CTNNA2: variants seen among roughly 807,000 people sequenced by gnomAD.
CTNNA2 encodes catenin alpha-2.
In CTNNA2, 42 loss-of-function variants were observed where a neutral mutation model predicts 101.0. The observed-to-expected ratio is 0.42, with a 90% CI of 0.32 to 0.54. The LOEUF (loss-of-function observed/expected upper bound fraction) is 0.54. Among genes scored for constraint, CTNNA2 ranks in the 20% least tolerant of loss-of-function variants. The pLI is 0.14. For missense variants in CTNNA2, 871 were observed against 1,223.1 expected (o/e 0.71, Z 4.29); for synonymous variants, 450 against 456.4 (o/e 0.99, Z 0.18).
chr2:79,838,858 G>C (rs926403106), intron 3 of CTNNA2, among the ~76,000 whole-genome samples: 2 of 151,928 alleles, frequency 1.3e-5, no homozygotes, highest in Non-Finnish European at 2.9e-5. Context: ...AAATGATAGA[G>C]ACTCCAAGCC....
At chr2:80,640,625 TCA>T (rs1673365046) in intron 18 of CTNNA2, among the ~76,000 whole-genome samples, 1 of 152,214 alleles carries the variant, frequency 6.6e-6, no homozygotes, top group South Asian at 2.1e-4. Flanking sequence ...TTCAAACATG[TCA>T]CAGTTTCTAA....
intron 2 of CTNNA2, among the ~76,000 whole-genome samples, chr2:79,279,546 C>G (rs1435387691): frequency 6.6e-6 from 1 of 152,094 alleles, no homozygotes; most frequent in African/African-American, 2.4e-5. Flanking sequence ...ATGACCACAA[C>G]AGAAAAGTTT....
At chr2:79,459,771 C>A (rs1196391637) in intron 4 of CTNNA2, among the ~76,000 whole-genome samples, 6 of 152,026 alleles carry the variant, frequency 3.9e-5, no homozygotes, top group African/African-American at 1.5e-4. Context: ...TGACATGTCA[C>A]TTCTGGCCCT....
intron 7 of CTNNA2, among the ~76,000 whole-genome samples, chr2:80,297,995 A>ATG (rs377223222): frequency 1.6e-4 from 24 of 150,868 alleles, no homozygotes; most frequent in African/African-American, 2.9e-4. Context: ...GTGGTTATAT[A>ATG]TGTGTGTGTG....
At position 79,349,933 on chromosome 2, in the gene CTNNA2, G is replaced by C. The variant is rs548598872; in HGVS notation, c.-317-23898G>C. Among the ~76,000 whole-genome samples, 15 of 151,866 alleles carry C rather than the reference G, an allele frequency of 9.9e-5. No homozygotes were observed. The East Asian group carries it at 2.7e-3, about 28-fold the overall frequency. ...TACTAAAAACACAAAAATTAGCCAG[G>C]CGTGGTGGCGGGCGCCTGTAGTCCT... is the stretch of plus-strand genomic sequence containing the variant. On this transcript the variant is annotated intron_variant, in intron 3 of 21. Transcript: ENST00000466387.
chr2:79,585,670 T>C (rs978090632), intron 1 of CTNNA2, among the ~76,000 whole-genome samples: 6 of 152,114 alleles, frequency 3.9e-5, no homozygotes, highest in Non-Finnish European at 8.8e-5. Context: ...TTGCACAGTG[T>C]GTGCCCTTGT....
chr2:79,914,166 CAAAAAAAAAAA>C (rs55675912), intron 7 of CTNNA2, among the ~76,000 whole-genome samples: 1 of 90,624 alleles, frequency 1.1e-5, no homozygotes, highest in Non-Finnish European at 2.2e-5. Context: ...GACTCCGTCT[CAAAAAAAAAAA>C]AAAAAAAAAA....
intron 9 of CTNNA2, among the ~76,000 whole-genome samples, chr2:80,530,829 C>T (rs1690474015): frequency 6.6e-6 from 1 of 152,176 alleles, no homozygotes; most frequent in South Asian, 2.1e-4. Context: ...TGGGATTGCT[C>T]CCAGGGGAAA....
chr2:79,262,090 T>C (rs1470106356), intron 2 of CTNNA2, among the ~76,000 whole-genome samples: 1 of 152,144 alleles, frequency 6.6e-6, no homozygotes, highest in African/African-American at 2.4e-5. Flanking sequence ...ATCACTCAAG[T>C]GGTCAAAGAG....
At chr2:80,255,155 T>C (rs1464942001) in intron 7 of CTNNA2, among the ~76,000 whole-genome samples, 2 of 152,184 alleles carry the variant, frequency 1.3e-5, no homozygotes, top group African/African-American at 4.8e-5. Flanking sequence ...TTTGAGCAAA[T>C]TGATTTCCTA....
intron 7 of CTNNA2, among the ~76,000 whole-genome samples, chr2:80,186,068 T>C (rs1706106237): frequency 6.6e-6 from 1 of 152,172 alleles, no homozygotes; most frequent in South Asian, 2.1e-4. Flanking sequence ...AGCCAGACTG[T>C]GGCCAACTCT....
intron 1 of CTNNA2, among the ~76,000 whole-genome samples, chr2:79,616,491 T>C (rs1678630303): frequency 6.6e-6 from 1 of 152,184 alleles, no homozygotes; most frequent in Admixed American, 6.5e-5. Flanking sequence ...TATATTACTA[T>C]TAAAATGTAA....
intron 7 of CTNNA2, among the ~76,000 whole-genome samples, chr2:80,145,238 T>G (rs1206811794): frequency 6.6e-6 from 1 of 152,132 alleles, no homozygotes; most frequent in Non-Finnish European, 1.5e-5. Flanking sequence ...CCCACAAGGC[T>G]GTAGGTGGCA....
chr2:79,287,675 T>A (rs2104363927), intron 2 of CTNNA2, among the ~76,000 whole-genome samples: 1 of 152,102 alleles, frequency 6.6e-6, no homozygotes, highest in African/African-American at 2.4e-5. Flanking sequence ...GACATTTAAG[T>A]CTGCAGAGGT....
intron 9 of CTNNA2, among the ~76,000 whole-genome samples, chr2:80,467,927 G>C (rs1684989070): frequency 6.6e-6 from 1 of 152,128 alleles, no homozygotes. Flanking sequence ...AATTTCTGTT[G>C]TTTATAAATT....
At chr2:80,087,143 G>A (rs1699493157) in intron 7 of CTNNA2, among the ~76,000 whole-genome samples, 1 of 151,994 alleles carries the variant, frequency 6.6e-6, no homozygotes, top group African/African-American at 2.4e-5. Flanking sequence ...TGAACAGTGG[G>A]AAGGCATTTC....
In CTNNA2 at chr2:80,608,740, T is replaced by C. The variant is rs535403393; in HGVS notation, c.2430+422T>C. On this transcript the variant is annotated intron_variant, in intron 17 of 18. Coordinates refer to ENST00000402739, the MANE Select transcript of CTNNA2 (RefSeq NM_001282597.3). ...CACATGTTAGAGATGATGAAAACAA[T>C]AGGAATTCATTCATCAGGTTCCAAT... 4.9e-4 allele frequency among the ~76,000 whole-genome samples: 74 copies of C among 151,896 alleles called. 2 individuals carry two copies. The South Asian group carries it at 0.015, about 31-fold the overall frequency.
intron 9 of CTNNA2, among the ~76,000 whole-genome samples, chr2:80,508,079 T>C (rs939651924): frequency 6.6e-6 from 1 of 152,310 alleles, no homozygotes. Context: ...TTTCATTAAA[T>C]TGGGTTGGCA....
chr2:79,360,568 A>G (rs899142924), intron 3 of CTNNA2, among the ~76,000 whole-genome samples: 2 of 151,980 alleles, frequency 1.3e-5, no homozygotes, highest in African/African-American at 4.8e-5. Context: ...ATGATAAATA[A>G]AAAGATACTG....
Sources: allele counts gnomAD v4.1 joint callset (sites outside exome capture counted in the v4.1 genomes callset), GRCh38; gene constraint gnomAD v4.1.1; transcripts MANE v1.5; gene names NCBI Gene and HGNC (gene_info 2026-07-23, HGNC 2026-07-21).